The following BMERB1 variants were observed in gnomAD, a reference collection of about 807,000 sequenced individuals.
The protein encoded by BMERB1 is bMERB domain-containing protein 1.
In BMERB1, 12 loss-of-function variants were observed where a neutral mutation model predicts 23.6. The observed-to-expected ratio is 0.51, with a 90% CI of 0.33 to 0.82. The LOEUF (loss-of-function observed/expected upper bound fraction) is 0.82. Ranked by LOEUF, BMERB1 falls within the 40% of genes least tolerant of loss-of-function variation. The pLI is 0.03. For missense variants in BMERB1, 247 were observed against 255.4 expected, an observed-to-expected ratio of 0.97 and a Z score of 0.22; for synonymous variants, 122 against 96.6, an observed-to-expected ratio of 1.26 and a Z score of -1.54.
At chr16:15,563,364 T>C (rs1372089031) in intron 2 of BMERB1, among the ~76,000 whole-genome samples, 3 of 152,058 alleles carry the variant, frequency 2.0e-5, no homozygotes, top group East Asian at 3.9e-4. Flanking sequence ...GGACTACAGG[T>C]GCCTACCACC....
chr16:15,542,331 G>A (rs2052094594), intron 2 of BMERB1, among the ~76,000 whole-genome samples: 1 of 152,112 alleles, frequency 6.6e-6, no homozygotes, highest in Admixed American at 6.5e-5. Flanking sequence ...CCAAAGTGCT[G>A]TGATTACAGG....
chr16:15,570,444 T>G (rs1198068813), intron 3 of BMERB1, among the ~76,000 whole-genome samples: 1 of 152,162 alleles, frequency 6.6e-6, no homozygotes, highest in African/African-American at 2.4e-5. Flanking sequence ...GGGTTGATCA[T>G]TTTTTGTTGG....
intron 2 of BMERB1, among the ~76,000 whole-genome samples, chr16:15,544,891 C>A (rs1052671875): frequency 6.6e-6 from 1 of 152,346 alleles, no homozygotes; most frequent in Middle Eastern, 3.4e-3. Flanking sequence ...CACTTCCTGA[C>A]AACATCCAAT....
chr16:15,578,866 G>A (rs2030938366), intron 3 of BMERB1, among the ~76,000 whole-genome samples: 1 of 152,166 alleles, frequency 6.6e-6, no homozygotes, highest in Admixed American at 6.5e-5. Flanking sequence ...TTCAGTGGGT[G>A]GCACCTGTAG....
At chr16:15,568,885 T>A (rs1159586577) in intron 3 of BMERB1, among the ~76,000 whole-genome samples, 2 of 152,128 alleles carry the variant, frequency 1.3e-5, no homozygotes, top group Non-Finnish European at 2.9e-5. Context: ...CCCATCAGGC[T>A]GTGTTAGTTG....
At chr16:15,573,106 T>C (rs556659864) in intron 3 of BMERB1, among the ~76,000 whole-genome samples, 1 of 152,294 alleles carries the variant, frequency 6.6e-6, no homozygotes, top group African/African-American at 2.4e-5. Context: ...AGGGTCTGCT[T>C]TCCTGGCACA....
chr16:15,494,021 T>C (rs568011310), intron 1 of BMERB1, among the ~76,000 whole-genome samples: 97 of 152,254 alleles, frequency 6.4e-4, no homozygotes, highest in South Asian at 1.0e-3. Context: ...GGTTTGTAAA[T>C]TGGAAGAATT....
chr16:15,501,287 C>CTTTTTTTT (rs71152437), intron 1 of BMERB1, among the ~76,000 whole-genome samples: 37 of 64,854 alleles, frequency 5.7e-4, no homozygotes, highest in Non-Finnish European at 7.0e-4. Context: ...GCTCTTTTTA[C>CTTTTTTTT]TTTTTTTTTT....
At chr16:15,553,335 C>T (rs895809340) in intron 2 of BMERB1, among the ~76,000 whole-genome samples, 3 of 152,168 alleles carry the variant, frequency 2.0e-5, no homozygotes, top group Non-Finnish European at 2.9e-5. Context: ...ATTACCAAGG[C>T]GTGGTGGCAT....
intron 1 of BMERB1, among the ~76,000 whole-genome samples, chr16:15,493,386 G>A (rs575312057): frequency 1.3e-5 from 2 of 152,274 alleles, no homozygotes; most frequent in East Asian, 1.9e-4. Flanking sequence ...CACTGTCCTC[G>A]ATGGGATCCT....
At chr16:15,464,703 G>A (rs886146778) in intron 1 of BMERB1, among the ~76,000 whole-genome samples, 12 of 152,242 alleles carry the variant, frequency 7.9e-5, no homozygotes, top group African/African-American at 2.6e-4. Flanking sequence ...AGTGCTGGTG[G>A]GAGTGTCTTT....
intron 2 of BMERB1, among the ~76,000 whole-genome samples, chr16:15,519,912 G>A (rs59017013): frequency 2.0e-5 from 3 of 152,182 alleles, no homozygotes; most frequent in Admixed American, 6.5e-5. Flanking sequence ...GTGAGAACTC[G>A]GGAGATGTGG....
chr16:15,572,103 T>C lies in BMERB1; in HGVS notation c.304+4047T>C, dbSNP rs546857660. On this transcript the variant is annotated intron_variant, in intron 3 of 5. Transcript: ENST00000300006. ...CAGCTTACAGCTCCCACATAAGAAC[T>C]ACTACTTTAGTAATTAGAGTGCAGC... is the stretch of plus-strand genomic sequence containing the variant. 2.1e-3 allele frequency among the ~76,000 whole-genome samples: 319 copies of C among 152,344 alleles called. 4 individuals are homozygous for C. Among genetic ancestry groups the C allele is most frequent in the African/African-American group, 7.4e-3 (306 of 41,570 alleles).
At chr16:15,544,523 G>A (rs1000611088) in intron 2 of BMERB1, among the ~76,000 whole-genome samples, 1 of 152,172 alleles carries the variant, frequency 6.6e-6, no homozygotes, top group Non-Finnish European at 1.5e-5. Flanking sequence ...CAGAAAAGAA[G>A]TATATAAATT....
intron 1 of BMERB1, among the ~76,000 whole-genome samples, chr16:15,514,847 G>A (rs1207161222): frequency 1.3e-5 from 2 of 152,144 alleles, no homozygotes; most frequent in African/African-American, 2.4e-5. Flanking sequence ...TTGGGAGGCC[G>A]AGGCGGGTAG....
chr16:15,579,303 G>A (rs374423219), intron 3 of BMERB1, among the ~76,000 whole-genome samples: 4 of 152,194 alleles, frequency 2.6e-5, no homozygotes, highest in East Asian at 3.9e-4. Context: ...CGGTGCTGAC[G>A]AGTGATTTGG....
intron 1 of BMERB1, among the ~76,000 whole-genome samples, chr16:15,494,157 A>G (rs2051450174): frequency 1.3e-5 from 2 of 152,202 alleles, no homozygotes; most frequent in Non-Finnish European, 2.9e-5. Context: ...GAGTAACAGA[A>G]TGAACCTACA....
At chr16:15,441,622 C>T (rs2050939729) in intron 1 of BMERB1, among the ~76,000 whole-genome samples, 1 of 152,112 alleles carries the variant, frequency 6.6e-6, no homozygotes, top group African/African-American at 2.4e-5. Context: ...AAGTGATCCA[C>T]CTGCCTCAGC....
chr16:15,577,247 T>A (rs1483514325), intron 3 of BMERB1: 1 of 152,198 alleles, frequency 6.6e-6, no homozygotes, highest in African/African-American at 2.4e-5. Context: ...CCAGCTCCCT[T>A]GACTATGTCT....
Sources: gnomAD v4.1 joint callset for allele counts (sites outside exome capture counted in the v4.1 genomes callset) on GRCh38, gnomAD v4.1.1 for gene constraint, MANE v1.5 for transcripts, NCBI Gene and HGNC (gene_info 2026-07-23, HGNC 2026-07-21) for gene names.